Variants in NAALADL2 observed in about 807,000 individuals in gnomAD.
NAALADL2 encodes the protein inactive N-acetylated-alpha-linked acidic dipeptidase-like protein 2.
A neutral mutation model predicts 87.2 loss-of-function variants in NAALADL2; 76 were observed. The ratio of observed to expected loss-of-function variants is 0.87; its 90% CI spans 0.72 to 1.05. The LOEUF (loss-of-function observed/expected upper bound fraction) is 1.05, where lower values mean the gene tolerates loss of function less well. Among genes scored for constraint, NAALADL2 ranks in the 50% least tolerant of loss-of-function variants. The pLI is 0.00. For synonymous variants in NAALADL2, 354 were observed against 331.0 expected, an observed-to-expected ratio of 1.07 and a Z score of -0.75; for missense variants, 1,089 against 945.8, an observed-to-expected ratio of 1.15 and a Z score of -1.99.
In NAALADL2 at chr3:175,705,789, A is replaced by G. The variant is rs1407614313; in HGVS notation, c.1897-31517A>G. Among the ~76,000 whole-genome samples the G allele has an allele frequency of 3.3e-5, 5 of 152,138 alleles. No individual in the cohort carries two copies. In the South Asian group the frequency reaches 1.0e-3, roughly 32 times the overall value. On this transcript the variant is annotated intron_variant, in intron 11 of 13. Transcript: ENST00000454872. ...TTAATGGTAAACCTCAAGTTAGAACAGGAGTTAGCTTGACCCAGACCCAGA... is the reference window on the plus strand; with the variant it reads ...TTAATGGTAAACCTCAAGTTAGAACGGGAGTTAGCTTGACCCAGACCCAGA...
intron 2 of NAALADL2, among the ~76,000 whole-genome samples, chr3:175,149,808 G>T (rs999659053): frequency 6.6e-6 from 1 of 152,030 alleles, no homozygotes; most frequent in Admixed American, 6.6e-5. Flanking sequence ...TACAGAACCG[G>T]ATTAGTGCGG....
At chr3:174,703,345 C>G (rs535702431) in intron 2 of NAALADL2, among the ~76,000 whole-genome samples, 8 of 144,980 alleles carry the variant, frequency 5.5e-5, no homozygotes, top group Non-Finnish European at 1.2e-4. Flanking sequence ...ACTATGTTAT[C>G]TAGAGTGATA....
At chr3:174,654,060 T>TTGTG (rs137877260) in intron 2 of NAALADL2, among the ~76,000 whole-genome samples, 7,233 of 143,990 alleles carry the variant, frequency 0.05, 244 homozygotes, top group African/African-American at 0.095. Flanking sequence ...TAAGATGGCT[T>TTGTG]TGTGTGTGTG....
rs546744606 is a variant in NAALADL2 at position 174,642,150 on chromosome 3, ATTCTGT to A, written c.-115+91516_-115+91521del. ...AATGCTTTCTAAAGACTGGTATTAC[ATTCTGT>A]TTATGTGAAGGAAACGCATTTTCAA... On this transcript the variant is annotated intron_variant, in intron 2 of 3. Transcript: ENST00000434257. 1.2e-3 allele frequency among the ~76,000 whole-genome samples: 185 copies of A among 152,232 alleles called. 3 individuals are homozygous for A. Among genetic ancestry groups the A allele is most frequent in the African/African-American group, 4.3e-3 (179 of 41,552 alleles).
At chr3:174,673,014 G>T (rs613186) in intron 2 of NAALADL2, among the ~76,000 whole-genome samples, 113,524 of 151,838 alleles carry the variant, frequency 0.75, 42,673 homozygotes, top group East Asian at 0.9. Context: ...CTTTGGCTGC[G>T]GTGTTGATTA....
At chr3:175,794,360 CAAG>C (rs1753193492) in intron 13 of NAALADL2, among the ~76,000 whole-genome samples, 1 of 142,350 alleles carries the variant, frequency 7.0e-6, no homozygotes, top group Non-Finnish European at 1.5e-5. Context: ...TAAATAAAAA[CAAG>C]AAACCAATTA....
intron 1 of NAALADL2, among the ~76,000 whole-genome samples, chr3:175,041,849 A>G (rs1754111153): frequency 6.6e-6 from 1 of 152,158 alleles, no homozygotes; most frequent in Non-Finnish European, 1.5e-5. Flanking sequence ...ATATTTTAAT[A>G]TATGTATATA....
chr3:174,845,842 T>C (rs923617182), intron 3 of NAALADL2, among the ~76,000 whole-genome samples: 2 of 152,192 alleles, frequency 1.3e-5, no homozygotes, highest in Non-Finnish European at 2.9e-5. Flanking sequence ...ACTGCAGGCA[T>C]GCATGTTAAC....
chr3:175,020,308 C>A (rs775294542), intron 1 of NAALADL2, among the ~76,000 whole-genome samples: 4 of 152,052 alleles, frequency 2.6e-5, no homozygotes, highest in Non-Finnish European at 5.9e-5. Context: ...ATGATGCGAT[C>A]TGTGAGGAAT....
chr3:175,123,711 G>C (rs1470273007), intron 2 of NAALADL2, among the ~76,000 whole-genome samples: 1 of 151,790 alleles, frequency 6.6e-6, no homozygotes, highest in Non-Finnish European at 1.5e-5. Flanking sequence ...AATCTTTCAA[G>C]AGTCAACTTA....
intron 2 of NAALADL2, among the ~76,000 whole-genome samples, chr3:175,117,499 GAC>G (rs1560048792): frequency 6.6e-6 from 1 of 151,926 alleles, no homozygotes; most frequent in East Asian, 1.9e-4. Flanking sequence ...GCAGCCAACA[GAC>G]ACATGAAAAA....
At chr3:175,197,566 A>G (rs1739210695) in intron 2 of NAALADL2, among the ~76,000 whole-genome samples, 1 of 152,064 alleles carries the variant, frequency 6.6e-6, no homozygotes, top group Admixed American at 6.6e-5. Context: ...TATGGTTGAG[A>G]ACTTCGAGGC....
chr3:174,968,294 C>T (rs1375856161), intron 1 of NAALADL2, among the ~76,000 whole-genome samples: 1 of 152,132 alleles, frequency 6.6e-6, no homozygotes, highest in Non-Finnish European at 1.5e-5. Flanking sequence ...TTGTCAGAAG[C>T]CCTCCCATGA....
At chr3:174,986,807 A>G (rs1319560981) in intron 1 of NAALADL2, among the ~76,000 whole-genome samples, 3 of 152,196 alleles carry the variant, frequency 2.0e-5, no homozygotes, top group South Asian at 2.1e-4. Context: ...GAATAGTGGT[A>G]GACAAGGGTT....
intron 5 of NAALADL2, among the ~76,000 whole-genome samples, chr3:175,394,042 G>C (rs1769437106): frequency 6.6e-6 from 1 of 152,082 alleles, no homozygotes; most frequent in South Asian, 2.1e-4. Context: ...AATGCATTAG[G>C]ATAGAATTTC....
intron 8 of NAALADL2, among the ~76,000 whole-genome samples, chr3:175,469,427 A>C (rs1007590190): frequency 6.6e-6 from 1 of 152,112 alleles, no homozygotes; most frequent in East Asian, 1.9e-4. Flanking sequence ...GACATGTCAT[A>C]TTGCCCCTTT....
intron 1 of NAALADL2, among the ~76,000 whole-genome samples, chr3:174,890,320 A>G (rs759070050): frequency 6.6e-6 from 1 of 152,180 alleles, no homozygotes; most frequent in African/African-American, 2.4e-5. Context: ...AGCTCCTGTT[A>G]TATACAGAGA....
intron 11 of NAALADL2, among the ~76,000 whole-genome samples, chr3:175,692,453 T>G (rs957465104): frequency 6.6e-6 from 1 of 152,134 alleles, no homozygotes. Context: ...GTGGCAATTC[T>G]GGAGTTTCCA....
At chr3:175,715,806 C>T (rs1252801237) in intron 11 of NAALADL2, among the ~76,000 whole-genome samples, 6 of 152,048 alleles carry the variant, frequency 3.9e-5, no homozygotes, top group South Asian at 2.1e-4. Flanking sequence ...ACCTGGGAGG[C>T]GGAGGTTGCA....
Sources: gnomAD v4.1 joint callset for allele counts (sites outside exome capture counted in the v4.1 genomes callset) on GRCh38, gnomAD v4.1.1 for gene constraint, MANE v1.5 for transcripts, NCBI Gene and HGNC (gene_info 2026-07-23, HGNC 2026-07-21) for gene names.